The following FGD4 variants were observed in gnomAD, a reference collection of about 807,000 sequenced individuals.
FGD4 encodes the protein FYVE, RhoGEF and PH domain-containing protein 4.
In FGD4, 42 loss-of-function variants were observed where a neutral mutation model predicts 102.0. That is an observed-to-expected ratio of 0.41 (90% CI 0.32 to 0.53). The LOEUF (loss-of-function observed/expected upper bound fraction) is 0.53. FGD4 is among the 20% of genes least tolerant of loss of function. The probability of loss-of-function intolerance (pLI) is 0.21; values close to 1 mark genes in which losing one functional copy is unlikely to be tolerated. For missense variants in FGD4, 902 were observed against 1,078.2 expected, an observed-to-expected ratio of 0.84 and a Z score of 2.29; for synonymous variants, 380 against 375.7, an observed-to-expected ratio of 1.01 and a Z score of -0.13.
intron 1 of FGD4, among the ~76,000 whole-genome samples, chr12:32,563,098 C>G (rs1273566831): frequency 6.8e-6 from 1 of 147,526 alleles, no homozygotes; most frequent in Non-Finnish European, 1.5e-5. Flanking sequence ...GGGGCTGACC[C>G]CCCCCACCTC....
intron 1 of FGD4, among the ~76,000 whole-genome samples, chr12:32,453,200 T>TTATAGATATATATA (rs1555183325): frequency 4.6e-5 from 3 of 64,590 alleles, no homozygotes; most frequent in African/African-American, 1.5e-4. Context: ...TATATATATA[T>TTATAGATATATATA]TATATATATA....
intron 1 of FGD4, among the ~76,000 whole-genome samples, chr12:32,536,615 A>G (rs1047557837): frequency 6.6e-6 from 1 of 152,230 alleles, no homozygotes; most frequent in Non-Finnish European, 1.5e-5. Flanking sequence ...AGCTCTGGCT[A>G]GAACAGATCC....
At chr12:32,530,413 G>T (rs1235263543) in intron 1 of FGD4, among the ~76,000 whole-genome samples, 1 of 152,178 alleles carries the variant, frequency 6.6e-6, no homozygotes, top group African/African-American at 2.4e-5. Context: ...AACCCAGGAG[G>T]CGGAGGTTGC....
At chr12:32,421,491 C>G (rs779605518) in intron 1 of FGD4, among the ~76,000 whole-genome samples, 3 of 152,170 alleles carry the variant, frequency 2.0e-5, no homozygotes, top group African/African-American at 4.8e-5. Context: ...GGCTGCTCCT[C>G]CACTGAAAGC....
intron 2 of FGD4, among the ~76,000 whole-genome samples, chr12:32,573,083 G>A (rs1358604245): frequency 6.6e-6 from 1 of 151,952 alleles, no homozygotes; most frequent in East Asian, 1.9e-4. Flanking sequence ...ATGAGATCCT[G>A]GTTTTTAACT....
chr12:32,592,392 GT>G (rs1405204079), intron 4 of FGD4, among the ~76,000 whole-genome samples: 2 of 151,944 alleles, frequency 1.3e-5, no homozygotes, highest in African/African-American at 2.4e-5. Flanking sequence ...CATAAATTAT[GT>G]TGAAAAGTCA....
intron 1 of FGD4, among the ~76,000 whole-genome samples, chr12:32,508,330 C>A (rs980529712): frequency 2.0e-5 from 3 of 152,134 alleles, no homozygotes; most frequent in African/African-American, 4.8e-5. Flanking sequence ...GGGAATAGAT[C>A]TTCAGTTTTA....
In FGD4 at chr12:32,564,147, C is replaced by G; in HGVS notation, c.177C>G (p.Thr59=). Residue 59 remains threonine (T), a synonymous_variant, in exon 2 of 17, where the codon ACC becomes ACG. Transcript: ENST00000534526. ...TCTGAACTCTTGCAGGCAGCAGTAC[C>G]TGTCCAAAGATCGCTTTAGTTCCAC... ...QVPSGATGSS[T]CPKIALVPPC... is the part of the protein sequence containing the mutation. 1 of 1,535,870 alleles carries G rather than the reference C, an allele frequency of 6.5e-7. No individual in the cohort carries two copies. Among genetic ancestry groups the G allele is most frequent in the Non-Finnish European group, 8.7e-7 (1 of 1,146,764 alleles).
intron 7 of FGD4, among the ~76,000 whole-genome samples, chr12:32,606,666 G>A (rs1948803019): frequency 1.3e-5 from 2 of 152,052 alleles, no homozygotes; most frequent in Admixed American, 6.6e-5. Flanking sequence ...TGCTTCAAAT[G>A]CAAACACCAT....
At chr12:32,525,780 C>T (rs1941090624) in intron 1 of FGD4, among the ~76,000 whole-genome samples, 1 of 152,234 alleles carries the variant, frequency 6.6e-6, no homozygotes, top group African/African-American at 2.4e-5. Flanking sequence ...GCCAGCCAGC[C>T]CTGCTGGCCC....
At chr12:32,640,233 C>T (rs752741080) in intron 16 of FGD4, 43 bp from the exon 17 acceptor site, 16 of 1,613,968 alleles carry the variant, frequency 9.9e-6, no homozygotes, top group East Asian at 2.2e-5. Flanking sequence ...ACTTAACAAG[C>T]GAATACATCA....
intron 1 of FGD4, among the ~76,000 whole-genome samples, chr12:32,547,301 G>T (rs1943300814): frequency 6.6e-6 from 1 of 152,130 alleles, no homozygotes; most frequent in East Asian, 1.9e-4. Context: ...ATAGCTGAGT[G>T]TGGTGGCATA....
chr12:32,465,633 G>C (rs1309648721), intron 1 of FGD4, among the ~76,000 whole-genome samples: 3 of 151,184 alleles, frequency 2.0e-5, no homozygotes, highest in African/African-American at 7.3e-5. Flanking sequence ...GCGCCACTGC[G>C]CTCCAGCCTG....
At chr12:32,428,379 T>C (rs1387259415) in intron 1 of FGD4, among the ~76,000 whole-genome samples, 1 of 152,236 alleles carries the variant, frequency 6.6e-6, no homozygotes, top group African/African-American at 2.4e-5. Context: ...TTAAGAATGT[T>C]GAATGTTGGT....
In FGD4 at chr12:32,399,714, T is replaced by C. The variant is rs1337295638; in HGVS notation, c.-80T>C. ...CCCGGAGTCGCGCCGAACCTGGGCA[T>C]GCAGGCGACGCCCCCCAGGGGCCGC... On this transcript the variant is annotated 5_prime_UTR_variant, in exon 1 of 17. It removes an upstream start codon present in the reference 5' UTR. Coordinates refer to ENST00000534526, the MANE Select transcript of FGD4 (RefSeq NM_001370298.3). The C allele has an allele frequency of 7.4e-6, 11 of 1,491,042 alleles. No individual in the cohort carries two copies. Among genetic ancestry groups the C allele is most frequent in the Non-Finnish European group, 9.7e-6 (11 of 1,129,920 alleles). 92.4% of individuals were successfully genotyped at this position (1,491,042 alleles called of 1,614,324 possible). A position where few individuals can be genotyped will look rare whatever the true frequency, so the allele number is the denominator to read the frequency against.
intron 1 of FGD4, among the ~76,000 whole-genome samples, chr12:32,409,912 A>G (rs1273443044): frequency 6.6e-6 from 1 of 151,964 alleles, no homozygotes; most frequent in Admixed American, 6.6e-5. Context: ...ACATCTGTAA[A>G]ACCAGCAGTT....
At chr12:32,622,150 G>C (rs1324883020) in intron 11 of FGD4, among the ~76,000 whole-genome samples, 1 of 152,226 alleles carries the variant, frequency 6.6e-6, no homozygotes, top group African/African-American at 2.4e-5. Context: ...CTTCCAAAGT[G>C]CTGGGATTAC....
rs576213566 is a variant in FGD4, at chr12:32,410,917, ACT to A, written c.166+10961_166+10962del. 4.1e-4 allele frequency among the ~76,000 whole-genome samples: 59 copies of A among 144,788 alleles called. 1 individual carries two copies. In the South Asian group the frequency reaches 0.012, roughly 28 times the overall value. 95.0% of individuals were successfully genotyped at this position (144,788 alleles called of 152,430 possible). A position where few individuals can be genotyped will look rare whatever the true frequency, so the allele number is the denominator to read the frequency against. ...AAAAAGCACAATGACTTTACAATGA[ACT>A]CTTTTTTTTTTCTTTTTTTTTTTTT... On this transcript the variant is annotated intron_variant, in intron 1 of 16. Coordinates refer to ENST00000534526, the MANE Select transcript of FGD4 (RefSeq NM_001370298.3).
At chr12:32,436,689 A>T (rs1383798864) in intron 1 of FGD4, among the ~76,000 whole-genome samples, 1 of 152,138 alleles carries the variant, frequency 6.6e-6, no homozygotes, top group Non-Finnish European at 1.5e-5. Context: ...TCTGGTCTTA[A>T]ATCAATTTGG....
Sources: allele counts gnomAD v4.1 joint callset (sites outside exome capture counted in the v4.1 genomes callset), GRCh38; gene constraint gnomAD v4.1.1; transcripts MANE v1.5; gene names NCBI Gene and HGNC (gene_info 2026-07-23, HGNC 2026-07-21).